TTC7B: variants seen among roughly 807,000 people sequenced by gnomAD.
TTC7B encodes tetratricopeptide repeat domain 7B.
A neutral mutation model predicts 106.8 loss-of-function variants in TTC7B; 28 were observed. That is an observed-to-expected ratio of 0.26 (90% CI 0.19 to 0.36). TTC7B has a LOEUF of 0.36. Among genes scored for constraint, TTC7B ranks in the 10% least tolerant of loss-of-function variants. The pLI is 1.00. For missense variants in TTC7B, 862 were observed against 1,076.4 expected (o/e 0.80, Z 2.79); for synonymous variants, 405 against 430.6 (o/e 0.94, Z 0.74).
At position 90,808,876 on chromosome 14, in the gene TTC7B, C is replaced by T. The variant is rs1474935827; in HGVS notation, c.121+7299G>A. Among the ~76,000 whole-genome samples, 1 of 152,210 alleles carries T rather than the reference C, an allele frequency of 6.6e-6. No homozygotes were observed. Among genetic ancestry groups the T allele is most frequent in the Non-Finnish European group, 1.5e-5 (1 of 68,038 alleles). ...AGAACCAAAGGCCATTCCTGCGTGC[C>T]CAGGGCACAGCTGGCCGGGCAGCTG... On this transcript the variant is annotated intron_variant, in intron 1 of 19. Transcript: ENST00000328459. The surrounding 1 kb of genome is among the most constrained non-coding windows in gnomAD (Gnocchi z 4.2).
chr14:90,806,771 G>C (rs1018817365), intron 1 of TTC7B, among the ~76,000 whole-genome samples: 9 of 152,154 alleles, frequency 5.9e-5, no homozygotes, highest in African/African-American at 1.9e-4. Flanking sequence ...GCTGGGCATA[G>C]TGGTGCTTGC....
At chr14:90,694,096 C>G (rs1257122376) in intron 6 of TTC7B, among the ~76,000 whole-genome samples, 1 of 152,114 alleles carries the variant, frequency 6.6e-6, no homozygotes, top group Non-Finnish European at 1.5e-5. Context: ...GTGAAGAAAG[C>G]CAATCACAAA....
chr14:90,711,767 G>A, intron 5 of TTC7B, among the ~76,000 whole-genome samples: 1 of 152,162 alleles, frequency 6.6e-6, no homozygotes. Context: ...AAAATCAACA[G>A]AGGAATTTAA....
intron 3 of TTC7B, among the ~76,000 whole-genome samples, chr14:90,772,386 T>C (rs1000376130): frequency 1.3e-5 from 2 of 152,214 alleles, no homozygotes; most frequent in African/African-American, 4.8e-5. Context: ...ATCCATACTA[T>C]GAAATGTTAT....
At chr14:90,619,426 T>A (rs1005157086) in intron 15 of TTC7B, among the ~76,000 whole-genome samples, 2 of 152,174 alleles carry the variant, frequency 1.3e-5, no homozygotes, top group African/African-American at 4.8e-5. Flanking sequence ...CAACTTCAAC[T>A]TCTACTCATG....
intron 5 of TTC7B, among the ~76,000 whole-genome samples, chr14:90,722,659 G>A (rs549377983): frequency 1.3e-5 from 2 of 152,314 alleles, no homozygotes; most frequent in South Asian, 4.1e-4. Flanking sequence ...CCCCTGTCCA[G>A]CTTCTGCTCT....
intron 6 of TTC7B, among the ~76,000 whole-genome samples, chr14:90,694,565 TG>T: frequency 1.6e-5 from 2 of 124,094 alleles, no homozygotes; most frequent in Middle Eastern, 8.5e-3. Context: ...ACAAGCCCAG[TG>T]ACATATATGT....
At position 90,584,444 on chromosome 14, in the gene TTC7B, G is replaced by A. The variant is rs184052405; in HGVS notation, c.2108-6136C>T. ...GGCTGAGGAGGCTGACAACCAGCCTGGGCCCCACTGCAGGCTGTGTGCCTG... is the reference window on the plus strand; with the variant it reads ...GGCTGAGGAGGCTGACAACCAGCCTAGGCCCCACTGCAGGCTGTGTGCCTG... On this transcript the variant is annotated intron_variant, in intron 18 of 19. Coordinates refer to ENST00000328459, the MANE Select transcript of TTC7B (RefSeq NM_001010854.2). Among the ~76,000 whole-genome samples, 467 of 152,370 alleles carry A rather than the reference G, an allele frequency of 3.1e-3. 2 individuals are homozygous for A. The highest frequency in any genetic ancestry group is 0.011 in the African/African-American group (454 of 41,586).
chr14:90,761,222 A>C (rs1890489463), intron 3 of TTC7B, among the ~76,000 whole-genome samples: 3 of 152,048 alleles, frequency 2.0e-5, no homozygotes, highest in African/African-American at 7.3e-5. Context: ...AATTCTGCTA[A>C]GGCATAAGTG....
At chr14:90,673,207 C>T (rs150266303) in intron 9 of TTC7B, among the ~76,000 whole-genome samples, 117 of 152,310 alleles carry the variant, frequency 7.7e-4, no homozygotes, top group African/African-American at 2.8e-3. Context: ...ACAAAACTTA[C>T]ATAATGCACA....
At chr14:90,595,051 T>C (rs368388603) in intron 17 of TTC7B, among the ~76,000 whole-genome samples, 1 of 152,208 alleles carries the variant, frequency 6.6e-6, no homozygotes. Flanking sequence ...AAGAGTCTAG[T>C]GGCCGGGCGC....
intron 13 of TTC7B, among the ~76,000 whole-genome samples, chr14:90,647,590 G>A (rs953772839): frequency 1.2e-4 from 17 of 146,790 alleles, no homozygotes; most frequent in Admixed American, 6.3e-4. Flanking sequence ...ATTCCATGCC[G>A]TTCACTGATT....
intron 18 of TTC7B, among the ~76,000 whole-genome samples, chr14:90,586,612 G>A (rs1891725620): frequency 6.6e-6 from 1 of 152,166 alleles, no homozygotes. Context: ...TCTCAGTCTG[G>A]CCCTTTCACT....
At chr14:90,791,295 C>T (rs1462394298) in intron 1 of TTC7B, among the ~76,000 whole-genome samples, 1 of 152,136 alleles carries the variant, frequency 6.6e-6, no homozygotes, top group Non-Finnish European at 1.5e-5. Flanking sequence ...CTGTCTGCCC[C>T]TTCTAGACTG....
intron 9 of TTC7B, among the ~76,000 whole-genome samples, chr14:90,662,535 T>A (rs1886251717): frequency 6.6e-6 from 1 of 152,220 alleles, no homozygotes; most frequent in Non-Finnish European, 1.5e-5. Context: ...AGCTTCTGCC[T>A]GAGACCCCTT....
chr14:90,675,065 C>T (rs567488902), intron 9 of TTC7B: 1 of 116,352 alleles, frequency 8.6e-6, no homozygotes, highest in South Asian at 2.7e-4. Flanking sequence ...GGGTGATGAC[C>T]ACCCCCTAGA....
At chr14:90,652,438 C>T (rs575868309) in intron 13 of TTC7B, among the ~76,000 whole-genome samples, 3 of 150,064 alleles carry the variant, frequency 2.0e-5, no homozygotes, top group South Asian at 2.1e-4. Flanking sequence ...TTCCTGAAAT[C>T]GGCCTTCTCA....
chr14:90,665,383 G>A (rs960968548), intron 9 of TTC7B, among the ~76,000 whole-genome samples: 1 of 152,216 alleles, frequency 6.6e-6, no homozygotes, highest in African/African-American at 2.4e-5. Flanking sequence ...GGTAGCAAGA[G>A]CTTATGCCTT....
chr14:90,729,000 G>T (rs1286497949), intron 5 of TTC7B, among the ~76,000 whole-genome samples: 1 of 152,226 alleles, frequency 6.6e-6, no homozygotes, highest in Admixed American at 6.5e-5. Flanking sequence ...TCAATCAGTG[G>T]CAGATGAGAT....
Sources: allele counts gnomAD v4.1 joint callset (sites outside exome capture counted in the v4.1 genomes callset), GRCh38; gene constraint gnomAD v4.1.1; non-coding constraint Gnocchi (gnomAD v3.1); transcripts MANE v1.5; gene names NCBI Gene and HGNC (gene_info 2026-07-23, HGNC 2026-07-21).